EDIL3: variants seen among roughly 807,000 people sequenced by gnomAD.
EDIL3 encodes the protein EGF like and discoidin domains 3.
In EDIL3, 37 loss-of-function variants were observed where a neutral mutation model predicts 67.4. That is an observed-to-expected ratio of 0.55 (90% CI 0.42 to 0.72). The LOEUF (loss-of-function observed/expected upper bound fraction) is 0.72. Among genes scored for constraint, EDIL3 ranks in the 30% least tolerant of loss-of-function variants. The probability of loss-of-function intolerance (pLI) is 0.00; values close to 1 mark genes in which losing one functional copy is unlikely to be tolerated. For synonymous variants in EDIL3, 195 were observed against 196.3 expected (o/e 0.99, Z 0.05); for missense variants, 527 against 586.3 (o/e 0.90, Z 1.04).
At chr5:84,086,106 T>C (rs1459606859) in intron 6 of EDIL3, among the ~76,000 whole-genome samples, 1 of 152,142 alleles carries the variant, frequency 6.6e-6, no homozygotes, top group African/African-American at 2.4e-5. Flanking sequence ...TCCATGGGAG[T>C]GGGACCTGCT....
intron 1 of EDIL3, among the ~76,000 whole-genome samples, chr5:84,301,008 G>T (rs551755052): frequency 6.6e-6 from 1 of 151,960 alleles, no homozygotes; most frequent in African/African-American, 2.4e-5. Context: ...AGTGGCTCAC[G>T]CCTGTAATCC....
At chr5:84,162,941 T>C (rs991809762) in intron 4 of EDIL3, among the ~76,000 whole-genome samples, 4 of 152,120 alleles carry the variant, frequency 2.6e-5, no homozygotes, top group African/African-American at 9.7e-5. Flanking sequence ...AAGCTTAGTG[T>C]TTTATTTCTT....
chr5:84,188,145 C>T (rs1015849718), intron 3 of EDIL3, among the ~76,000 whole-genome samples: 10 of 151,854 alleles, frequency 6.6e-5, no homozygotes, highest in African/African-American at 9.7e-5. Flanking sequence ...TCTTTATATA[C>T]GTCTGTCTAT....
intron 6 of EDIL3, among the ~76,000 whole-genome samples, chr5:84,076,822 T>C (rs1441217756): frequency 6.6e-6 from 1 of 152,178 alleles, no homozygotes; most frequent in Non-Finnish European, 1.5e-5. Flanking sequence ...ATAACTATAG[T>C]TGGTCTGTCA....
At chr5:84,039,369 C>T (rs2112211763) in intron 9 of EDIL3, among the ~76,000 whole-genome samples, 1 of 152,220 alleles carries the variant, frequency 6.6e-6, no homozygotes, top group South Asian at 2.1e-4. Flanking sequence ...CAGCAATCCA[C>T]TAAACACAGG....
intron 4 of EDIL3, among the ~76,000 whole-genome samples, chr5:84,176,219 ATATATAT>A (rs1561453859): frequency 1.6e-5 from 2 of 128,438 alleles, no homozygotes; most frequent in African/African-American, 6.0e-5. Context: ...ATATATATAT[ATATATAT>A]AATATATTGT....
intron 1 of EDIL3, among the ~76,000 whole-genome samples, chr5:84,295,595 T>C (rs919398668): frequency 6.6e-6 from 1 of 152,040 alleles, no homozygotes; most frequent in African/African-American, 2.4e-5. Context: ...CTAATCAGAG[T>C]TCACTGCTTC....
intron 1 of EDIL3, among the ~76,000 whole-genome samples, chr5:84,341,206 T>C (rs1026619093): frequency 6.6e-6 from 1 of 152,064 alleles, no homozygotes; most frequent in Admixed American, 6.6e-5. Context: ...TGGAGTGATA[T>C]ACACTGACCT....
At chr5:84,233,389 A>G (rs1300069816) in intron 2 of EDIL3, among the ~76,000 whole-genome samples, 2 of 152,160 alleles carry the variant, frequency 1.3e-5, no homozygotes, top group Non-Finnish European at 2.9e-5. Flanking sequence ...CTAACCCATC[A>G]AAGTTTATTT....
chr5:84,168,739 T>C (rs770481954), intron 4 of EDIL3, among the ~76,000 whole-genome samples: 2 of 152,170 alleles, frequency 1.3e-5, no homozygotes, highest in Non-Finnish European at 2.9e-5. Flanking sequence ...ACTACCTTGG[T>C]CCAAGCCACC....
intron 8 of EDIL3, among the ~76,000 whole-genome samples, chr5:84,061,866 C>G (rs1019954193): frequency 2.0e-5 from 3 of 152,080 alleles, no homozygotes; most frequent in Non-Finnish European, 4.4e-5. Flanking sequence ...GGTACAGTTT[C>G]TAAAACTAGA....
At chr5:84,300,146 G>A (rs1746126544) in intron 1 of EDIL3, among the ~76,000 whole-genome samples, 2 of 152,206 alleles carry the variant, frequency 1.3e-5, no homozygotes, top group Non-Finnish European at 2.9e-5. Flanking sequence ...CCCTTCTGGA[G>A]GCTAGGGGGA....
intron 1 of EDIL3, among the ~76,000 whole-genome samples, chr5:84,374,307 T>C (rs1747919857): frequency 6.6e-6 from 1 of 152,050 alleles, no homozygotes; most frequent in Non-Finnish European, 1.5e-5. Context: ...TAGATTCAAA[T>C]TGAAACTACT....
intron 8 of EDIL3, among the ~76,000 whole-genome samples, chr5:84,063,571 T>G (rs761187441): frequency 4.6e-5 from 7 of 152,142 alleles, no homozygotes; most frequent in Non-Finnish European, 1.0e-4. Flanking sequence ...TTATTAAAAA[T>G]TGGCTATTTA....
intron 4 of EDIL3, among the ~76,000 whole-genome samples, chr5:84,157,790 A>G (rs1350609590): frequency 6.6e-6 from 1 of 152,060 alleles, no homozygotes; most frequent in Non-Finnish European, 1.5e-5. Flanking sequence ...TTCCCTTTTA[A>G]TTACTTCTTG....
At chr5:84,047,374 C>T (rs1338548151) in intron 9 of EDIL3, among the ~76,000 whole-genome samples, 5 of 151,822 alleles carry the variant, frequency 3.3e-5, no homozygotes, top group African/African-American at 4.8e-5. Context: ...ATGTAAGATA[C>T]TAAACCAAAT....
chr5:84,228,612 ATGTC>A (rs1341860634), intron 3 of EDIL3, among the ~76,000 whole-genome samples: 2 of 152,172 alleles, frequency 1.3e-5, no homozygotes, highest in Non-Finnish European at 2.9e-5. Flanking sequence ...GTTTGTCTGA[ATGTC>A]TGATTCCATT....
intron 1 of EDIL3, among the ~76,000 whole-genome samples, chr5:84,359,963 A>G (rs1747563708): frequency 1.3e-5 from 2 of 152,176 alleles, no homozygotes; most frequent in African/African-American, 4.8e-5. Context: ...TATAATTACC[A>G]TTATGGAATT....
At chr5:84,155,010 T>C (rs185196998) in intron 4 of EDIL3, among the ~76,000 whole-genome samples, 46 of 152,254 alleles carry the variant, frequency 3.0e-4, no homozygotes, top group Admixed American at 1.2e-3. Context: ...CTGCTTCTTA[T>C]TCTAAGTTTA....
Sources: allele counts gnomAD v4.1 joint callset (sites outside exome capture counted in the v4.1 genomes callset), GRCh38; gene constraint gnomAD v4.1.1; transcripts MANE v1.5; gene names NCBI Gene and HGNC (gene_info 2026-07-23, HGNC 2026-07-21).